The following MEIS2 variants were observed in gnomAD, a reference collection of about 807,000 sequenced individuals.
MEIS2 encodes Meis homeobox 2.
MEIS2 carries 9 observed loss-of-function variants against 58.6 expected under a neutral mutation model. The ratio of observed to expected loss-of-function variants is 0.15; its 90% CI spans 0.09 to 0.27. The LOEUF (loss-of-function observed/expected upper bound fraction) is 0.27, where lower values mean the gene tolerates loss of function less well. Among genes scored for constraint, MEIS2 ranks in the 10% least tolerant of loss-of-function variants. MEIS2 has a pLI of 1.00. For synonymous variants in MEIS2, 221 were observed against 228.4 expected (o/e 0.97, Z 0.29); for missense variants, 427 against 635.0 (o/e 0.67, Z 3.52).
chr15:37,028,269 A>T (rs978915405), intron 8 of MEIS2, among the ~76,000 whole-genome samples: 1 of 152,174 alleles, frequency 6.6e-6, no homozygotes, highest in African/African-American at 2.4e-5. Context: ...CATTACCCCC[A>T]TGAAAAGCCA....
chr15:37,085,905 C>T (rs1272696812), intron 6 of MEIS2, among the ~76,000 whole-genome samples: 1 of 151,374 alleles, frequency 6.6e-6, no homozygotes, highest in East Asian at 1.9e-4. Flanking sequence ...AGCTGTTTGC[C>T]GGGCGGTAAT....
At chr15:37,040,907 C>T (rs1171936972) in intron 7 of MEIS2, among the ~76,000 whole-genome samples, 2 of 152,200 alleles carry the variant, frequency 1.3e-5, no homozygotes, top group Admixed American at 6.5e-5. Context: ...CTTGGGTTTG[C>T]TTATGCAATC....
intron 7 of MEIS2, among the ~76,000 whole-genome samples, chr15:37,069,587 A>C (rs1452731046): frequency 1.3e-5 from 2 of 152,166 alleles, no homozygotes; most frequent in South Asian, 2.1e-4. Context: ...CAATCCCCCC[A>C]CACATTACTG....
At chr15:37,074,766 T>C (rs1891159190) in intron 7 of MEIS2, among the ~76,000 whole-genome samples, 1 of 151,966 alleles carries the variant, frequency 6.6e-6, no homozygotes, top group Non-Finnish European at 1.5e-5. Flanking sequence ...TGGCAGATAT[T>C]GAGTAAAACT....
At chr15:37,051,288 G>A (rs1047999523) in intron 7 of MEIS2, among the ~76,000 whole-genome samples, 9 of 152,176 alleles carry the variant, frequency 5.9e-5, no homozygotes, top group African/African-American at 2.2e-4. Context: ...CTCAGCAACA[G>A]AAAGGAATAA....
intron 7 of MEIS2, among the ~76,000 whole-genome samples, chr15:37,082,493 A>C (rs904697241): frequency 6.6e-6 from 1 of 152,162 alleles, no homozygotes; most frequent in African/African-American, 2.4e-5. Context: ...AACCACAGTT[A>C]AGTCATTGCT....
rs555636329 is a variant in MEIS2, at chr15:36,936,234, G to T, written c.977+14090C>A. Among the ~76,000 whole-genome samples, 33 of 147,496 alleles carry T rather than the reference G, an allele frequency of 2.2e-4. No individual in the cohort carries two copies. In the South Asian group the frequency reaches 6.0e-3, roughly 27 times the overall value. ...TTTTGAGATAGAGAATTGCTCTGTC[G>T]CCCAGGCTGGAGTGCAGTGGTGCGA... On this transcript the variant is annotated intron_variant, in intron 9 of 11. Transcript: ENST00000561208.
intron 8 of MEIS2, among the ~76,000 whole-genome samples, chr15:37,020,027 C>G (rs1380422307): frequency 6.6e-6 from 1 of 152,136 alleles, no homozygotes; most frequent in Non-Finnish European, 1.5e-5. Flanking sequence ...TACGAGGACT[C>G]AGCTACACGC....
intron 8 of MEIS2, among the ~76,000 whole-genome samples, chr15:37,012,199 GC>G (rs1296025982): frequency 2.0e-5 from 3 of 152,140 alleles, no homozygotes; most frequent in Admixed American, 2.0e-4. Context: ...AATATATGAA[GC>G]ATGTCCAATA....
intron 9 of MEIS2, among the ~76,000 whole-genome samples, chr15:36,930,645 C>T (rs2057940981): frequency 6.6e-6 from 1 of 151,116 alleles, no homozygotes; most frequent in Non-Finnish European, 1.5e-5. Flanking sequence ...CAACTTGTTT[C>T]TGAAGTCATA....
chr15:37,096,520 G>A (rs1894273939), intron 2 of MEIS2, 90 bp from the exon 3 acceptor site: 3 of 1,485,562 alleles, frequency 2.0e-6, no homozygotes, highest in Non-Finnish European at 2.7e-6. Flanking sequence ...TTTGGAGGGT[G>A]TGGAGTCCTT....
intron 7 of MEIS2, among the ~76,000 whole-genome samples, chr15:37,056,001 C>G (rs544998313): frequency 6.6e-6 from 1 of 152,286 alleles, no homozygotes; most frequent in South Asian, 2.1e-4. Context: ...CAAAATCACT[C>G]ACAACTAGTG....
At chr15:37,017,245 A>G (rs891108604) in intron 8 of MEIS2, among the ~76,000 whole-genome samples, 1 of 152,216 alleles carries the variant, frequency 6.6e-6, no homozygotes, top group East Asian at 1.9e-4. Context: ...GTCAAACCAG[A>G]AAGTCAAAGA....
rs200060295 is a variant in MEIS2 at position 37,023,903 on chromosome 15, TTCTC to T, written c.900+12907_900+12910del. Among the ~76,000 whole-genome samples, 542 of 134,172 alleles carry T rather than the reference TTCTC, an allele frequency of 4.0e-3. 22 individuals carry two copies. The highest frequency in any genetic ancestry group is 0.012 in the East Asian group (52 of 4,270). 88.0% of individuals were successfully genotyped at this position (134,172 alleles called of 152,430 possible). ...GGTCCCCATCTTCACTGGCCTCCTTTTCTCTCTCTTTTTTTTTTTTTTTTTTTTT... is the reference window on the plus strand; with the variant it reads ...GGTCCCCATCTTCACTGGCCTCCTTTTCTCTTTTTTTTTTTTTTTTTTTTT... On this transcript the variant is annotated intron_variant, in intron 8 of 11. Coordinates refer to ENST00000561208, the MANE Select transcript of MEIS2 (RefSeq NM_170675.5).
At chr15:37,031,956 GGC>G (rs930612733) in intron 8 of MEIS2, among the ~76,000 whole-genome samples, 2 of 151,384 alleles carry the variant, frequency 1.3e-5, no homozygotes, top group Non-Finnish European at 2.9e-5. Context: ...TTCCCACCTT[GGC>G]CTACTGAGTA....
intron 8 of MEIS2, among the ~76,000 whole-genome samples, chr15:37,019,427 G>A (rs937084651): frequency 1.3e-5 from 2 of 152,256 alleles, no homozygotes; most frequent in Admixed American, 6.5e-5. Flanking sequence ...TCTTCACCAA[G>A]CTATGTCAAT....
intron 8 of MEIS2, among the ~76,000 whole-genome samples, chr15:37,031,815 TTGTGTGTGTG>T (rs66770353): frequency 6.3e-4 from 85 of 134,206 alleles, no homozygotes; most frequent in Non-Finnish European, 7.0e-4. Context: ...TTACATCACT[TTGTGTGTGTG>T]TGTGTGTGTG....
At chr15:37,016,887 A>G (rs2061368460) in intron 8 of MEIS2, among the ~76,000 whole-genome samples, 1 of 152,240 alleles carries the variant, frequency 6.6e-6, no homozygotes, top group African/African-American at 2.4e-5. Flanking sequence ...CACACTCTAT[A>G]AAAAGGTTGA....
At chr15:37,042,269 A>C (rs1032557287) in intron 7 of MEIS2, among the ~76,000 whole-genome samples, 3 of 152,226 alleles carry the variant, frequency 2.0e-5, no homozygotes, top group Admixed American at 2.0e-4. Flanking sequence ...TGGAATGAAA[A>C]AATGATAAAA....
Sources: gnomAD v4.1 joint callset for allele counts (sites outside exome capture counted in the v4.1 genomes callset) on GRCh38, gnomAD v4.1.1 for gene constraint, MANE v1.5 for transcripts, NCBI Gene and HGNC (gene_info 2026-07-23, HGNC 2026-07-21) for gene names.